The following BACH2 variants were observed in gnomAD, a reference collection of about 807,000 sequenced individuals.
BACH2 encodes the protein BACH transcriptional regulator 2.
Under a neutral mutation model 61.8 loss-of-function variants are expected in BACH2, and 5 were observed. That is an observed-to-expected ratio of 0.08 (90% CI 0.04 to 0.17). BACH2 has a LOEUF of 0.17. Among genes scored for constraint, BACH2 ranks in the 10% least tolerant of loss-of-function variants. The pLI, the probability that BACH2 is intolerant of heterozygous loss-of-function variation, is 1.00. For synonymous variants in BACH2, 446 were observed against 440.1 expected (o/e 1.01, Z -0.17); for missense variants, 824 against 1,091.1 (o/e 0.76, Z 3.45).
intron 4 of BACH2, among the ~76,000 whole-genome samples, chr6:90,180,120 A>C (rs1768108429): frequency 6.6e-6 from 1 of 152,200 alleles, no homozygotes; most frequent in South Asian, 2.1e-4. Context: ...AACTTTAATA[A>C]TTTCAGAAGT....
chr6:90,268,664 T>C (rs62408235), intron 2 of BACH2, among the ~76,000 whole-genome samples: 36,214 of 152,064 alleles, frequency 0.24, 5,357 homozygotes, highest in Non-Finnish European at 0.34. Context: ...TATAAAATTA[T>C]CAATCCATGA....
chr6:90,185,117 T>C (rs1768308902), intron 4 of BACH2, among the ~76,000 whole-genome samples: 1 of 152,164 alleles, frequency 6.6e-6, no homozygotes, highest in Admixed American at 6.5e-5. Flanking sequence ...TGTGCATGTA[T>C]GCATAGAGCC....
chr6:90,024,668 G>T (rs1293465059), intron 5 of BACH2, among the ~76,000 whole-genome samples: 1 of 152,114 alleles, frequency 6.6e-6, no homozygotes, highest in Non-Finnish European at 1.5e-5. Context: ...GACTTTTTAA[G>T]GAAGCTAGAG....
intron 5 of BACH2, among the ~76,000 whole-genome samples, chr6:90,025,277 T>C (rs995251067): frequency 4.6e-5 from 7 of 152,202 alleles, no homozygotes; most frequent in African/African-American, 1.7e-4. Context: ...TGGTCTTTTT[T>C]ATATGTTGAT....
At chr6:90,236,606 T>C (rs1289582974) in intron 3 of BACH2, among the ~76,000 whole-genome samples, 2 of 152,210 alleles carry the variant, frequency 1.3e-5, no homozygotes, top group Admixed American at 1.3e-4. Context: ...ACCAAGGGGC[T>C]GGCCATATGT....
chr6:90,049,259 A>C lies in BACH2; in HGVS notation c.-13+39702T>G, dbSNP rs546143925. Among the ~76,000 whole-genome samples the C allele has an allele frequency of 2.0e-5, 3 of 152,310 alleles. No individual in the cohort carries two copies. In the East Asian group the frequency reaches 5.8e-4, roughly 29 times the overall value. ...TAGGTCTTATATTCTAGCTGGGAAA[A>C]ACAGACAATAAATGTATGTAAGTAA... On this transcript the variant is annotated intron_variant, in intron 5 of 8. Transcript: ENST00000257749.
chr6:90,141,110 T>C (rs1159027518), intron 4 of BACH2, among the ~76,000 whole-genome samples: 2 of 152,092 alleles, frequency 1.3e-5, no homozygotes, highest in African/African-American at 2.4e-5. Flanking sequence ...GCATGGAAAA[T>C]AGTCATAATT....
In BACH2 at chr6:89,950,885, C is replaced by T; in HGVS notation, c.1221G>A (p.Met407Ile). 6.2e-7 allele frequency: 1 copy of T among 1,604,120 alleles called. No homozygotes were observed. Among genetic ancestry groups the T allele is most frequent in the Non-Finnish European group, 8.5e-7 (1 of 1,174,500 alleles). ...VGQKEVSNFT[M>I]GSPLRGPGLE... is the part of the protein sequence containing the mutation. ...ACCCAGGCCCCCTGAGGGGCGACCCCATGGTGAAGTTGGACACCTCCTTCT... is the reference window on the plus strand; with the variant it reads ...ACCCAGGCCCCCTGAGGGGCGACCCTATGGTGAAGTTGGACACCTCCTTCT... Residue 407 changes from methionine to isoleucine, a missense_variant, in exon 7 of 9, where the codon ATG becomes ATA. Met to Ile is a conservative substitution (Grantham distance 10). Transcript: ENST00000257749. The surrounding 1 kb of genome is among the most constrained non-coding windows in gnomAD (Gnocchi z 5.3).
At chr6:90,044,428 TGC>T (rs1473497142) in intron 5 of BACH2, among the ~76,000 whole-genome samples, 1 of 152,168 alleles carries the variant, frequency 6.6e-6, no homozygotes. Context: ...CAGCGAAAGC[TGC>T]AGAGGTAGTC....
At position 90,123,769 on chromosome 6, in the gene BACH2, CAAAAAAAAAAAAA is replaced by C. The variant is rs796903431; in HGVS notation, c.-161-34673_-161-34661del. On this transcript the variant is annotated intron_variant, in intron 4 of 8. Coordinates refer to ENST00000257749, the MANE Select transcript of BACH2 (RefSeq NM_021813.4). ...TGGGCGACAGAGCGAGACTCCGTCT[CAAAAAAAAAAAAA>C]AAAAAAAAAAAGAAGACCGGTGGGA... 8.8e-5 allele frequency among the ~76,000 whole-genome samples: 3 copies of C among 33,996 alleles called. 1 individual carries two copies. Among genetic ancestry groups the C allele is most frequent in the Admixed American group, 2.9e-4 (1 of 3,482 alleles). 22.3% of individuals were successfully genotyped at this position (33,996 alleles called of 152,430 possible).
At chr6:90,002,408 G>A (rs1467077437) in intron 6 of BACH2, among the ~76,000 whole-genome samples, 9 of 152,020 alleles carry the variant, frequency 5.9e-5, no homozygotes, top group Non-Finnish European at 1.5e-5. Flanking sequence ...ATGAGTTCTG[G>A]CCATGTAAGT....
intron 4 of BACH2, among the ~76,000 whole-genome samples, chr6:90,145,843 A>G (rs1206523783): frequency 2.0e-5 from 3 of 152,222 alleles, no homozygotes; most frequent in African/African-American, 7.2e-5. Flanking sequence ...GGTTTAAGTA[A>G]GAGAAGACAG....
chr6:90,042,942 G>C (rs1398185795), intron 5 of BACH2, among the ~76,000 whole-genome samples: 1 of 152,214 alleles, frequency 6.6e-6, no homozygotes, highest in Admixed American at 6.5e-5. Flanking sequence ...GGAAGCATAA[G>C]AGTGGCAACC....
intron 6 of BACH2, among the ~76,000 whole-genome samples, chr6:89,994,973 G>T (rs1247821008): frequency 6.6e-6 from 1 of 152,010 alleles, no homozygotes; most frequent in East Asian, 1.9e-4. Flanking sequence ...GATCATACTG[G>T]GCATATCGTT....
intron 6 of BACH2, among the ~76,000 whole-genome samples, chr6:89,991,544 T>C (rs1029931114): frequency 6.6e-6 from 1 of 152,160 alleles, no homozygotes; most frequent in Non-Finnish European, 1.5e-5. Context: ...GCAGACACCA[T>C]GACATTTAAC....
At chr6:89,993,068 G>C (rs144177712) in intron 6 of BACH2, among the ~76,000 whole-genome samples, 71 of 152,328 alleles carry the variant, frequency 4.7e-4, no homozygotes, top group Non-Finnish European at 7.9e-4. Flanking sequence ...GGAGGCGGCT[G>C]TCTGTAAGCC....
intron 1 of BACH2, among the ~76,000 whole-genome samples, chr6:90,275,758 C>A (rs1324913813): frequency 2.6e-5 from 4 of 152,088 alleles, no homozygotes; most frequent in Admixed American, 1.3e-4. Context: ...GCCTGAACAT[C>A]TGAGGTCAGA....
intron 4 of BACH2, among the ~76,000 whole-genome samples, chr6:90,164,955 T>C (rs1005993212): frequency 1.3e-5 from 2 of 152,150 alleles, no homozygotes; most frequent in Non-Finnish European, 2.9e-5. Context: ...ACAGCCAACA[T>C]CATACTGAAT....
At chr6:90,255,665 A>G (rs141036630) in intron 2 of BACH2, among the ~76,000 whole-genome samples, 1 of 152,382 alleles carries the variant, frequency 6.6e-6, no homozygotes, top group Non-Finnish European at 1.5e-5. Flanking sequence ...TGAGCATTGC[A>G]TACCACCAGA....
Sources: gnomAD v4.1 joint callset for allele counts (sites outside exome capture counted in the v4.1 genomes callset) on GRCh38, gnomAD v4.1.1 for gene constraint, Gnocchi (gnomAD v3.1) non-coding constraint, MANE v1.5 for transcripts, NCBI Gene and HGNC (gene_info 2026-07-23, HGNC 2026-07-21) for gene names.